The following SGCZ variants were observed in gnomAD, a reference collection of about 807,000 sequenced individuals.
The protein encoded by SGCZ is zeta-sarcoglycan.
SGCZ carries 40 observed loss-of-function variants against 41.3 expected under a neutral mutation model. The ratio of observed to expected loss-of-function variants is 0.97; its 90% CI spans 0.75 to 1.26. The LOEUF (loss-of-function observed/expected upper bound fraction) is 1.26, where lower values mean the gene tolerates loss of function less well. SGCZ is among the 50% of genes most tolerant of loss of function. The pLI is 0.00. For missense variants in SGCZ, 552 were observed against 369.8 expected, an observed-to-expected ratio of 1.49 and a Z score of -4.04; for synonymous variants, 206 against 137.5, an observed-to-expected ratio of 1.50 and a Z score of -3.49.
intron 1 of SGCZ, among the ~76,000 whole-genome samples, chr8:14,879,452 C>T (rs1456343912): frequency 6.6e-6 from 1 of 151,826 alleles, no homozygotes; most frequent in East Asian, 1.9e-4. Context: ...TATAACTAGC[C>T]AAGCTTTTTT....
At chr8:14,663,554 G>T (rs1807820682) in intron 1 of SGCZ, among the ~76,000 whole-genome samples, 2 of 151,964 alleles carry the variant, frequency 1.3e-5, no homozygotes, top group African/African-American at 4.8e-5. Flanking sequence ...AATAATAAGG[G>T]TAATAACTCT....
intron 1 of SGCZ, among the ~76,000 whole-genome samples, chr8:14,828,487 C>T (rs568474940): frequency 4.7e-4 from 71 of 152,304 alleles, no homozygotes; most frequent in Middle Eastern, 3.4e-3. Context: ...CAGACAAGTG[C>T]TGAGTTTTCG....
intron 1 of SGCZ, among the ~76,000 whole-genome samples, chr8:14,913,651 G>GA (rs902439678): frequency 5.9e-5 from 9 of 152,016 alleles, no homozygotes; most frequent in African/African-American, 2.2e-4. Context: ...ATGATCCTTA[G>GA]AAAAATCTAT....
At chr8:14,112,155 G>A (rs565293599) in intron 5 of SGCZ, among the ~76,000 whole-genome samples, 1 of 151,880 alleles carries the variant, frequency 6.6e-6, no homozygotes, top group Non-Finnish European at 1.5e-5. Flanking sequence ...TTGAGAAAAA[G>A]AAAGTCAGGC....
At chr8:14,116,414 C>G (rs1175531037) in intron 5 of SGCZ, among the ~76,000 whole-genome samples, 1 of 152,050 alleles carries the variant, frequency 6.6e-6, no homozygotes, top group East Asian at 1.9e-4. Context: ...TTGGGTCTCT[C>G]TGCCGATGAG....
intron 2 of SGCZ, among the ~76,000 whole-genome samples, chr8:14,346,969 A>C (rs566953136): frequency 1.3e-5 from 2 of 152,030 alleles, no homozygotes; most frequent in African/African-American, 2.4e-5. Flanking sequence ...CTTCCATTAC[A>C]TTTATTTCCT....
chr8:15,234,882 G>C (rs183072244), intron 1 of SGCZ, among the ~76,000 whole-genome samples: 38 of 151,940 alleles, frequency 2.5e-4, no homozygotes, highest in African/African-American at 8.7e-4. Context: ...CAATGACACT[G>C]ATCATCTAAA....
intron 1 of SGCZ, among the ~76,000 whole-genome samples, chr8:15,120,394 T>C (rs1431089722): frequency 6.6e-6 from 1 of 152,218 alleles, no homozygotes; most frequent in Non-Finnish European, 1.5e-5. Context: ...CTTAGAAATA[T>C]AGCTCAGCTT....
At position 14,917,014 on chromosome 8, in the gene SGCZ, G is replaced by T. The variant is rs555409318; in HGVS notation, c.39+320571C>A. On this transcript the variant is annotated intron_variant, in intron 1 of 7. Coordinates refer to ENST00000382080, the MANE Select transcript of SGCZ (RefSeq NM_139167.4). Reference sequence around the variant, plus strand: ...ACTTTGTATAAAGTAATATAATTTTGGAAATAGAAACAGTCACAGCTTTTC... The same window carrying T: ...ACTTTGTATAAAGTAATATAATTTTTGAAATAGAAACAGTCACAGCTTTTC... 5.6e-4 allele frequency among the ~76,000 whole-genome samples: 85 copies of T among 152,068 alleles called. No homozygotes were observed. In the East Asian group the frequency reaches 0.016, roughly 29 times the overall value.
intron 2 of SGCZ, among the ~76,000 whole-genome samples, chr8:14,394,358 C>G (rs749829130): frequency 2.0e-5 from 3 of 151,984 alleles, no homozygotes; most frequent in Non-Finnish European, 2.9e-5. Context: ...ACCATGTTGG[C>G]CAGGATGGTC....
chr8:14,893,826 C>T (rs1245380487), intron 1 of SGCZ, among the ~76,000 whole-genome samples: 1 of 152,134 alleles, frequency 6.6e-6, no homozygotes, highest in East Asian at 1.9e-4. Flanking sequence ...CACTAATAAT[C>T]ACTTCTTTAC....
intron 1 of SGCZ, among the ~76,000 whole-genome samples, chr8:14,978,067 G>A (rs530371124): frequency 2.6e-5 from 4 of 151,574 alleles, no homozygotes; most frequent in Non-Finnish European, 5.9e-5. Flanking sequence ...TTCCTGTCGC[G>A]GCTAGGTGCG....
chr8:14,488,446 C>G (rs1801743689), intron 2 of SGCZ, among the ~76,000 whole-genome samples: 1 of 152,048 alleles, frequency 6.6e-6, no homozygotes, highest in African/African-American at 2.4e-5. Flanking sequence ...GATGCTAGGC[C>G]CTTCGCTTGT....
chr8:14,492,604 A>G (rs983074579), intron 2 of SGCZ, among the ~76,000 whole-genome samples: 4 of 152,186 alleles, frequency 2.6e-5, no homozygotes, highest in African/African-American at 9.6e-5. Context: ...TCTAGTCTCT[A>G]TCTGCTCAAA....
chr8:14,590,674 G>C (rs754093441), intron 1 of SGCZ, among the ~76,000 whole-genome samples: 6 of 149,036 alleles, frequency 4.0e-5, no homozygotes, highest in Non-Finnish European at 8.9e-5. Context: ...TCTCTTTGTA[G>C]ATATATTTCC....
intron 1 of SGCZ, among the ~76,000 whole-genome samples, chr8:14,970,853 T>G (rs1801270052): frequency 6.6e-6 from 1 of 152,194 alleles, no homozygotes; most frequent in Non-Finnish European, 1.5e-5. Flanking sequence ...ATATATTGAT[T>G]GGCATTGCAT....
At chr8:14,457,150 T>G (rs1226856792) in intron 2 of SGCZ, among the ~76,000 whole-genome samples, 1 of 152,240 alleles carries the variant, frequency 6.6e-6, no homozygotes, top group Non-Finnish European at 1.5e-5. Context: ...ATCATTAGTT[T>G]GTAGCAATTA....
intron 1 of SGCZ, among the ~76,000 whole-genome samples, chr8:15,205,583 T>C (rs1801032259): frequency 6.6e-6 from 1 of 151,714 alleles, no homozygotes; most frequent in Non-Finnish European, 1.5e-5. Flanking sequence ...ACAATGGCTA[T>C]TAATAAAAAG....
intron 3 of SGCZ, among the ~76,000 whole-genome samples, chr8:14,272,325 T>C (rs976728907): frequency 6.6e-6 from 1 of 152,186 alleles, no homozygotes; most frequent in African/African-American, 2.4e-5. Flanking sequence ...TTTTGATAGC[T>C]GAGTTATATA....
Sources: gnomAD v4.1 joint callset for allele counts (sites outside exome capture counted in the v4.1 genomes callset) on GRCh38, gnomAD v4.1.1 for gene constraint, MANE v1.5 for transcripts, NCBI Gene and HGNC (gene_info 2026-07-23, HGNC 2026-07-21) for gene names.